The following SDK1 variants were observed in gnomAD, a reference collection of about 807,000 sequenced individuals.
The protein encoded by SDK1 is sidekick cell adhesion molecule 1.
A neutral mutation model predicts 245.5 loss-of-function variants in SDK1; 157 were observed. The observed-to-expected ratio is 0.64, with a 90% CI of 0.56 to 0.73. The LOEUF (loss-of-function observed/expected upper bound fraction) is 0.73. SDK1 is among the 30% of genes least tolerant of loss of function. The pLI is 0.00. For missense variants in SDK1, 3,583 were observed against 3,002.3 expected, an observed-to-expected ratio of 1.19 and a Z score of -4.52; for synonymous variants, 1,647 against 1,278.5, an observed-to-expected ratio of 1.29 and a Z score of -6.15.
chr7:4,064,643 A>G (rs1194120547), intron 19 of SDK1, among the ~76,000 whole-genome samples: 12 of 152,308 alleles, frequency 7.9e-5, no homozygotes, highest in African/African-American at 2.4e-5. Flanking sequence ...CACAGTAGCC[A>G]AGATACGGAA....
intron 1 of SDK1, among the ~76,000 whole-genome samples, chr7:3,326,367 T>C (rs12537325): frequency 0.24 from 36,080 of 152,112 alleles, 4,705 homozygotes; most frequent in East Asian, 0.39. Context: ...AATGTAGATA[T>C]ATATTATTTT....
intron 4 of SDK1, among the ~76,000 whole-genome samples, chr7:3,675,521 A>G (rs760878540): frequency 1.3e-5 from 2 of 152,000 alleles, no homozygotes; most frequent in Non-Finnish European, 2.9e-5. Flanking sequence ...AGTCTACATA[A>G]TATGCTCCCC....
At chr7:3,522,849 C>T (rs1202726702) in intron 1 of SDK1, among the ~76,000 whole-genome samples, 1 of 150,882 alleles carries the variant, frequency 6.6e-6, no homozygotes, top group Non-Finnish European at 1.5e-5. Context: ...GTTCGCTATT[C>T]ACATCAGTGA....
intron 22 of SDK1, among the ~76,000 whole-genome samples, chr7:4,098,023 A>G (rs1001249577): frequency 6.6e-6 from 1 of 152,154 alleles, no homozygotes; most frequent in African/African-American, 2.4e-5. Flanking sequence ...AATGACATAC[A>G]TACTCAGAAA....
chr7:3,406,194 A>G (rs1779050682), intron 1 of SDK1, among the ~76,000 whole-genome samples: 1 of 152,172 alleles, frequency 6.6e-6, no homozygotes. Context: ...TTAAAATCCT[A>G]TGCATTCAAA....
In SDK1 at chr7:3,505,468, C is replaced by G. The variant is rs1391093110; in HGVS notation, c.299-113612C>G. 1.2e-4 allele frequency among the ~76,000 whole-genome samples: 18 copies of G among 152,266 alleles called. No homozygotes were observed. The East Asian group carries it at 3.1e-3, about 26-fold the overall frequency. On this transcript the variant is annotated intron_variant, in intron 1 of 44. Transcript: ENST00000404826. ...GTCTCACTCTGTTGCTTCAGCTGGT[C>G]TCAAACTCCTAGGCTCAAGCAAACC...
chr7:3,778,171 C>G (rs1198863771), intron 4 of SDK1, among the ~76,000 whole-genome samples: 1 of 152,172 alleles, frequency 6.6e-6, no homozygotes, highest in Admixed American at 6.5e-5. Flanking sequence ...AAATGAAAGT[C>G]TTCCCACCTT....
intron 1 of SDK1, among the ~76,000 whole-genome samples, chr7:3,435,486 A>G (rs147256823): frequency 6.6e-6 from 1 of 150,912 alleles, no homozygotes; most frequent in Non-Finnish European, 1.5e-5. Context: ...ACAGACAGTC[A>G]CGCCCAGCTA....
intron 4 of SDK1, among the ~76,000 whole-genome samples, chr7:3,756,108 CATT>C: frequency 6.7e-6 from 1 of 149,012 alleles, no homozygotes; most frequent in South Asian, 2.1e-4. Flanking sequence ...ACATGCATAT[CATT>C]GATGTTTTGA....
At chr7:3,932,242 GA>G (rs531830389) in intron 5 of SDK1, among the ~76,000 whole-genome samples, 1 of 152,206 alleles carries the variant, frequency 6.6e-6, no homozygotes, top group Non-Finnish European at 1.5e-5. Flanking sequence ...GCCCGTAAGT[GA>G]GTATCTTAGG....
At chr7:4,189,937 C>G (rs1783096023) in intron 35 of SDK1, among the ~76,000 whole-genome samples, 1 of 152,106 alleles carries the variant, frequency 6.6e-6, no homozygotes, top group Admixed American at 6.5e-5. Context: ...CAATATGGGT[C>G]CCACCTTTCT....
intron 5 of SDK1, among the ~76,000 whole-genome samples, chr7:3,913,574 TGAGC>T (rs1289694187): frequency 6.6e-6 from 1 of 152,112 alleles, no homozygotes; most frequent in Non-Finnish European, 1.5e-5. Flanking sequence ...ATTACAGGCG[TGAGC>T]CACCGTGCCC....
At chr7:3,827,453 A>G (rs991374837) in intron 5 of SDK1, among the ~76,000 whole-genome samples, 1 of 152,192 alleles carries the variant, frequency 6.6e-6, no homozygotes, top group Non-Finnish European at 1.5e-5. Flanking sequence ...CCAGGTGCCA[A>G]CCAAAGGGAG....
chr7:3,340,559 G>A (rs545800088), intron 1 of SDK1, among the ~76,000 whole-genome samples: 4 of 152,190 alleles, frequency 2.6e-5, no homozygotes, highest in Non-Finnish European at 4.4e-5. Context: ...TCAGGAGATC[G>A]AGACCATCCT....
At chr7:3,716,700 A>G (rs1785210504) in intron 4 of SDK1, among the ~76,000 whole-genome samples, 1 of 151,586 alleles carries the variant, frequency 6.6e-6, no homozygotes, top group Admixed American at 6.6e-5. Flanking sequence ...TCAGTGCTGC[A>G]GTGAGCTATT....
At chr7:3,493,067 C>T (rs1025094970) in intron 1 of SDK1, among the ~76,000 whole-genome samples, 4 of 152,184 alleles carry the variant, frequency 2.6e-5, no homozygotes, top group African/African-American at 9.7e-5. Flanking sequence ...TCTCCTGCCT[C>T]AGCCTCCCCA....
chr7:3,689,091 A>G (rs377529508), intron 4 of SDK1, among the ~76,000 whole-genome samples: 1 of 152,128 alleles, frequency 6.6e-6, no homozygotes, highest in African/African-American at 2.4e-5. Context: ...TTCCAGTTCT[A>G]CATGTGGAGT....
chr7:3,830,492 G>C (rs542688636), intron 5 of SDK1, among the ~76,000 whole-genome samples: 2 of 152,070 alleles, frequency 1.3e-5, no homozygotes, highest in Admixed American at 6.6e-5. Flanking sequence ...CCCTAATTTT[G>C]TTTTGTTTTG....
intron 4 of SDK1, among the ~76,000 whole-genome samples, chr7:3,778,512 A>G (rs1320750786): frequency 6.6e-6 from 1 of 152,178 alleles, no homozygotes; most frequent in Admixed American, 6.5e-5. Context: ...TTTTTGTTTC[A>G]TCTAACAGTT....
Sources: gnomAD v4.1 joint callset for allele counts (sites outside exome capture counted in the v4.1 genomes callset) on GRCh38, gnomAD v4.1.1 for gene constraint, MANE v1.5 for transcripts, NCBI Gene and HGNC (gene_info 2026-07-23, HGNC 2026-07-21) for gene names.